HSDL2: variants seen among roughly 807,000 people sequenced by gnomAD.
HSDL2 encodes hydroxysteroid dehydrogenase like 2.
A neutral mutation model predicts 46.3 loss-of-function variants in HSDL2; 27 were observed. The observed-to-expected ratio is 0.58, with a 90% CI of 0.43 to 0.80. The LOEUF (loss-of-function observed/expected upper bound fraction) is 0.80, where lower values mean the gene tolerates loss of function less well. Ranked by LOEUF, HSDL2 falls within the 30% of genes least tolerant of loss-of-function variation. The pLI is 0.00. For missense variants in HSDL2, 451 were observed against 502.7 expected (o/e 0.90, Z 0.98); for synonymous variants, 153 against 163.6 (o/e 0.94, Z 0.50).
chr9:112,416,871 G>A lies in HSDL2; in HGVS notation c.426G>A (p.Lys142=). The A allele has an allele frequency of 6.3e-7, 1 of 1,599,738 alleles. No individual in the cohort carries two copies. The highest frequency in any genetic ancestry group is 8.6e-7 in the Non-Finnish European group (1 of 1,167,408). ...ASKACIPYLK[K]SKVAHILNIS... ...AAGCATGTATTCCTTATTTGAAAAA[G>A]AGCAAAGTTGCTCATATCCTCAATA... is the stretch of plus-strand genomic sequence containing the variant. Residue 142 remains lysine, a synonymous_variant, in exon 5 of 11, where the codon AAG becomes AAA. Coordinates refer to ENST00000398805, the MANE Select transcript of HSDL2 (RefSeq NM_032303.5).
intron 5 of HSDL2, among the ~76,000 whole-genome samples, chr9:112,418,572 A>C (rs1759364193): frequency 6.6e-6 from 1 of 151,698 alleles, no homozygotes; most frequent in Non-Finnish European, 1.5e-5. Flanking sequence ...CAAAAAAAAA[A>C]AAAAAGTATG....
intron 1 of HSDL2, among the ~76,000 whole-genome samples, chr9:112,398,117 G>A (rs1408902718): frequency 6.6e-6 from 1 of 152,094 alleles, no homozygotes; most frequent in Non-Finnish European, 1.5e-5. Flanking sequence ...TATGAGAAAG[G>A]GGCATTGGGG....
At chr9:112,380,246 C>T (rs1185542402) in intron 1 of HSDL2, 66 bp downstream of exon 1, 3 of 1,467,210 alleles carry the variant, frequency 2.0e-6, no homozygotes, top group African/African-American at 3.1e-5. Flanking sequence ...GGTGGGGCCG[C>T]CGCGGATCGC....
chr9:112,462,839 G>A (rs993158300), intron 10 of HSDL2, among the ~76,000 whole-genome samples: 2 of 151,994 alleles, frequency 1.3e-5, no homozygotes, highest in African/African-American at 4.8e-5. Context: ...CTTTGCAGTC[G>A]ATCCTATTTC....
intron 6 of HSDL2, among the ~76,000 whole-genome samples, chr9:112,424,557 G>T (rs1832205361): frequency 6.6e-6 from 1 of 151,188 alleles, no homozygotes; most frequent in African/African-American, 2.4e-5. Context: ...TTCCTCTCTA[G>T]CCTTCACCAG....
rs891105601 is a variant in HSDL2 at position 112,470,625 on chromosome 9, T to C, written c.*81T>C. 9 of 745,110 alleles carry C rather than the reference T, an allele frequency of 1.2e-5. No homozygotes were observed. In the African/African-American group the frequency reaches 1.4e-4, roughly 12 times the overall value. The allele number at this position is 745,110 out of a possible 1,614,324, so 46.2% of individuals were successfully genotyped here. A position where few individuals can be genotyped will look rare whatever the true frequency, so the allele number is the denominator to read the frequency against. On this transcript the variant is annotated 3_prime_UTR_variant, in exon 11 of 11. Transcript: ENST00000398805. Reference sequence around the variant, plus strand: ...CAGTTAAAATCTAATGTTTGTTTTCTTTCCTGTTATATTATAAGGATATGC... The same window carrying C: ...CAGTTAAAATCTAATGTTTGTTTTCCTTCCTGTTATATTATAAGGATATGC...
At position 112,418,850 on chromosome 9, in the gene HSDL2, G is replaced by A. The variant is rs111704739; in HGVS notation, c.500-10G>A. 7.0e-4 allele frequency: 1,019 copies of A among 1,456,706 alleles called. 4 individuals are homozygous for A. The African/African-American group carries it at 0.013, about 19-fold the overall frequency. 90.2% of individuals were successfully genotyped at this position (1,456,706 alleles called of 1,614,324 possible). On this transcript the variant is annotated splice_polypyrimidine_tract_variant and intron_variant, in intron 5 of 10. Coordinates refer to ENST00000398805, the MANE Select transcript of HSDL2 (RefSeq NM_032303.5). ...TATAATTAAATTATTATTTTTTGTG[G>A]TTCTTTCAGCTTATACCATTGCTAA...
At chr9:112,469,266 CTT>C (rs1361267825) in intron 10 of HSDL2, among the ~76,000 whole-genome samples, 1 of 151,930 alleles carries the variant, frequency 6.6e-6, no homozygotes, top group African/African-American at 2.4e-5. Context: ...AACTCACACA[CTT>C]TCTCTGCAAA....
At chr9:112,467,877 T>G (rs1286053986) in intron 10 of HSDL2, among the ~76,000 whole-genome samples, 1 of 152,202 alleles carries the variant, frequency 6.6e-6, no homozygotes, top group Non-Finnish European at 1.5e-5. Flanking sequence ...GTCCTAGAAA[T>G]TTAACTCTCT....
rs114636094 is a variant in HSDL2, at chr9:112,418,649, T to A, written c.500-211T>A. Among the ~76,000 whole-genome samples, 599 of 152,096 alleles carry A rather than the reference T, an allele frequency of 3.9e-3. 2 individuals are homozygous for A. Among genetic ancestry groups the A allele is most frequent in the African/African-American group, 0.014 (565 of 41,484 alleles). On this transcript the variant is annotated intron_variant, in intron 5 of 10. Coordinates refer to ENST00000398805, the MANE Select transcript of HSDL2 (RefSeq NM_032303.5). ...GTATTACTATTTTCTTCCTGATATA[T>A]ATGTGTGCGTGGGTGTGTTGTATGT...
chr9:112,468,837 T>C (rs1047353290), intron 10 of HSDL2, among the ~76,000 whole-genome samples: 20 of 152,324 alleles, frequency 1.3e-4, no homozygotes, highest in Admixed American at 1.0e-3. Flanking sequence ...ATATTTGATG[T>C]CCATTCATCT....
intron 7 of HSDL2, 169 bp downstream of exon 7, chr9:112,438,794 AG>A: frequency 2.1e-6 from 1 of 483,654 alleles, no homozygotes; most frequent in East Asian, 3.5e-5. Context: ...TTAAAAAAAA[AG>A]ATGAATGAAA....
intron 6 of HSDL2, among the ~76,000 whole-genome samples, chr9:112,429,969 A>G (rs1832349299): frequency 6.6e-6 from 1 of 151,874 alleles, no homozygotes; most frequent in African/African-American, 2.4e-5. Flanking sequence ...TGTCGTCCCA[A>G]CTACTCAGGG....
intron 8 of HSDL2, 148 bp from the exon 9 acceptor site, chr9:112,453,865 A>C (rs538073572): frequency 3.1e-5 from 19 of 620,450 alleles, no homozygotes; most frequent in Non-Finnish European, 5.3e-5. Context: ...AATTTGATTT[A>C]TGCTTTTAGA....
intron 9 of HSDL2, 74 bp from the exon 10 acceptor site, chr9:112,459,375 T>G: frequency 2.4e-5 from 35 of 1,474,810 alleles, no homozygotes; most frequent in Non-Finnish European, 3.3e-5. Context: ...AAGATTATTC[T>G]AATTGAAGTA....
At chr9:112,445,276 G>A (rs77934737) in intron 8 of HSDL2, among the ~76,000 whole-genome samples, 2,459 of 152,070 alleles carry the variant, frequency 0.016, 78 homozygotes, top group African/African-American at 0.055. Context: ...CCCTTTCCCT[G>A]TAGTTAGCAC....
chr9:112,438,400 G>A, intron 6 of HSDL2, 31 bp from the exon 7 acceptor site: 2 of 1,356,816 alleles, frequency 1.5e-6, no homozygotes, highest in Non-Finnish European at 2.0e-6. Context: ...TTGGAGTTAT[G>A]AGTGTATGTG....
At chr9:112,451,234 T>A (rs557378036) in intron 8 of HSDL2, among the ~76,000 whole-genome samples, 1 of 152,268 alleles carries the variant, frequency 6.6e-6, no homozygotes, top group African/African-American at 2.4e-5. Flanking sequence ...AGCTCAATTT[T>A]AAAATTGGCT....
chr9:112,407,075 G>A (rs1831748834), intron 3 of HSDL2, among the ~76,000 whole-genome samples: 1 of 152,198 alleles, frequency 6.6e-6, no homozygotes, highest in Non-Finnish European at 1.5e-5. Context: ...GCTGTGGGGT[G>A]CTGGACTGAA....
Sources: allele counts gnomAD v4.1 joint callset (sites outside exome capture counted in the v4.1 genomes callset), GRCh38; gene constraint gnomAD v4.1.1; transcripts MANE v1.5; gene names NCBI Gene and HGNC (gene_info 2026-07-23, HGNC 2026-07-21).